Variants in ZCCHC7 observed in about 807,000 individuals in gnomAD.
ZCCHC7 encodes the protein zinc finger CCHC domain-containing protein 7.
Under a neutral mutation model 52.0 loss-of-function variants are expected in ZCCHC7, and 35 were observed. The observed-to-expected ratio is 0.67, with a 90% confidence interval of 0.51 to 0.89. The LOEUF (loss-of-function observed/expected upper bound fraction) is 0.89. Among genes scored for constraint, ZCCHC7 ranks in the 40% least tolerant of loss-of-function variants. The pLI is 0.00. For synonymous variants in ZCCHC7, 217 were observed against 221.5 expected, an observed-to-expected ratio of 0.98 and a Z score of 0.18; for missense variants, 574 against 649.1, an observed-to-expected ratio of 0.88 and a Z score of 1.26.
intron 2 of ZCCHC7, among the ~76,000 whole-genome samples, chr9:37,219,271 C>T (rs1408879677): frequency 2.0e-5 from 3 of 152,212 alleles, no homozygotes; most frequent in South Asian, 4.1e-4. Flanking sequence ...CACGCTCATT[C>T]ATGTACATAT....
At chr9:37,323,284 C>T (rs1235732921) in intron 5 of ZCCHC7, among the ~76,000 whole-genome samples, 4 of 152,162 alleles carry the variant, frequency 2.6e-5, no homozygotes, top group Admixed American at 2.0e-4. Context: ...TGAAATTAAC[C>T]TTGAAATGTA....
intron 3 of ZCCHC7, among the ~76,000 whole-genome samples, chr9:37,303,136 A>G (rs1829113204): frequency 6.6e-6 from 1 of 152,210 alleles, no homozygotes; most frequent in Non-Finnish European, 1.5e-5. Context: ...AGAAATCAGC[A>G]GTGGCTGGCC....
chr9:37,352,956 G>T (rs570620155), intron 7 of ZCCHC7, among the ~76,000 whole-genome samples: 2 of 152,170 alleles, frequency 1.3e-5, no homozygotes, highest in Admixed American at 1.3e-4. Context: ...GGATGGAAAT[G>T]ATAAAGATTA....
intron 2 of ZCCHC7, among the ~76,000 whole-genome samples, chr9:37,275,504 T>C (rs1367228894): frequency 3.3e-5 from 5 of 152,196 alleles, no homozygotes; most frequent in African/African-American, 1.2e-4. Flanking sequence ...AGTGAGCATT[T>C]TGGCTATTGT....
At chr9:37,337,032 G>A (rs906872529) in intron 6 of ZCCHC7, among the ~76,000 whole-genome samples, 2 of 152,132 alleles carry the variant, frequency 1.3e-5, no homozygotes, top group African/African-American at 2.4e-5. Context: ...TTCCTGAGAG[G>A]ATTATTTAAC....
intron 1 of ZCCHC7, among the ~76,000 whole-genome samples, chr9:37,123,769 C>T (rs891620494): frequency 6.6e-6 from 1 of 152,114 alleles, no homozygotes; most frequent in Admixed American, 6.5e-5. Context: ...AATTAATTTA[C>T]CTATTAAATA....
chr9:37,228,053 T>C (rs144098908), intron 2 of ZCCHC7, among the ~76,000 whole-genome samples: 42 of 152,298 alleles, frequency 2.8e-4, no homozygotes, highest in African/African-American at 1.0e-3. Flanking sequence ...TGCGTCGGAC[T>C]CTCAAAGTGC....
At position 37,133,012 on chromosome 9, in the gene ZCCHC7, C is replaced by CCAG. The variant is rs1284442380; in HGVS notation, c.610+6070_610+6071insCAG. 2.6e-5 allele frequency among the ~76,000 whole-genome samples: 4 copies of CCAG among 152,120 alleles called. No homozygotes were observed. In the East Asian group the frequency reaches 7.7e-4, roughly 29 times the overall value. On this transcript the variant is annotated intron_variant, in intron 2 of 8. Transcript: ENST00000336755. Reference sequence around the variant, plus strand: ...ATTAGCCCAGTGTGGTGGTGTGCACCTGTAATCCCAGCCTCAGAGGCTGAG... The same window carrying CCAG: ...ATTAGCCCAGTGTGGTGGTGTGCACCCAGTGTAATCCCAGCCTCAGAGGCTGAG...
rs1298636393 is a variant in ZCCHC7 at position 37,354,357 on chromosome 9, C to T, written c.1084-353C>T. 1.3e-5 allele frequency among the ~76,000 whole-genome samples: 2 copies of T among 152,074 alleles called. No homozygotes were observed. Among genetic ancestry groups the T allele is most frequent in the African/African-American group, 2.4e-5 (1 of 41,394 alleles). ...AAGGCTGTTGGAAGTGATGGACAAG[C>T]AAAGGAGTAATACTAACATGAGGCC... On this transcript the variant is annotated intron_variant, in intron 7 of 8. Coordinates refer to ENST00000336755, the MANE Select transcript of ZCCHC7 (RefSeq NM_032226.3). This position sits in a 1 kb window ranked among gnomAD's most constrained non-coding sequence, Gnocchi z 4.0.
At chr9:37,206,012 GACA>G (rs1052073740) in intron 2 of ZCCHC7, among the ~76,000 whole-genome samples, 23 of 151,630 alleles carry the variant, frequency 1.5e-4, no homozygotes, top group Admixed American at 2.0e-4. Context: ...CTTTATTCCT[GACA>G]ACGTCATTTG....
intron 6 of ZCCHC7, among the ~76,000 whole-genome samples, chr9:37,345,269 A>G (rs905710376): frequency 6.6e-6 from 1 of 152,164 alleles, no homozygotes; most frequent in African/African-American, 2.4e-5. Flanking sequence ...CTCTTAAGCC[A>G]TGTATGCTTG....
chr9:37,252,843 A>G (rs768997692), intron 2 of ZCCHC7, among the ~76,000 whole-genome samples: 31 of 152,266 alleles, frequency 2.0e-4, no homozygotes, highest in Non-Finnish European at 2.4e-4. Context: ...CAATGTTATT[A>G]TTTTGTGTTA....
intron 5 of ZCCHC7, among the ~76,000 whole-genome samples, chr9:37,309,578 T>G (rs143509075): frequency 6.6e-6 from 1 of 152,324 alleles, no homozygotes; most frequent in Non-Finnish European, 1.5e-5. Flanking sequence ...CCTACTGGAC[T>G]TTCTGCTCAT....
intron 1 of ZCCHC7, among the ~76,000 whole-genome samples, chr9:37,123,190 GGT>G (rs58690804): frequency 0.061 from 9,047 of 148,694 alleles, 322 homozygotes; most frequent in African/African-American, 0.1. Context: ...CTGAGTCAAG[GGT>G]GTGTGTGTGT....
At chr9:37,308,916 G>T (rs982158835) in intron 5 of ZCCHC7, among the ~76,000 whole-genome samples, 1 of 151,462 alleles carries the variant, frequency 6.6e-6, no homozygotes, top group African/African-American at 2.4e-5. Flanking sequence ...GGGAGGCAGA[G>T]GTTGCAGTGA....
At chr9:37,295,988 CAAGT>C (rs1828766669) in intron 2 of ZCCHC7, among the ~76,000 whole-genome samples, 1 of 152,144 alleles carries the variant, frequency 6.6e-6, no homozygotes, top group Admixed American at 6.5e-5. Context: ...TCCTAGAGGT[CAAGT>C]GAGAAAACTG....
At position 37,131,488 on chromosome 9, in the gene ZCCHC7, A is replaced by G. The variant is rs371991285; in HGVS notation, c.610+4546A>G. Reference sequence around the variant, plus strand: ...TGGTGAAACCCCGTCTCTACTAAAAATGCAAAATTAGCCGGGCATTCTGGC... The same window carrying G: ...TGGTGAAACCCCGTCTCTACTAAAAGTGCAAAATTAGCCGGGCATTCTGGC... On this transcript the variant is annotated intron_variant, in intron 2 of 8. Coordinates refer to ENST00000336755, the MANE Select transcript of ZCCHC7 (RefSeq NM_032226.3). Among the ~76,000 whole-genome samples, 12 of 152,102 alleles carry G rather than the reference A, an allele frequency of 7.9e-5. No homozygotes were observed. In the East Asian group the frequency reaches 1.2e-3, roughly 15 times the overall value.
chr9:37,353,291 T>C (rs1821503641), intron 7 of ZCCHC7, among the ~76,000 whole-genome samples: 1 of 152,198 alleles, frequency 6.6e-6, no homozygotes, highest in Admixed American at 6.5e-5. Context: ...GCACTGTGGC[T>C]CATGCCTGTC....
At chr9:37,223,740 T>C (rs1330372886) in intron 2 of ZCCHC7, among the ~76,000 whole-genome samples, 1 of 152,126 alleles carries the variant, frequency 6.6e-6, no homozygotes, top group Non-Finnish European at 1.5e-5. Context: ...ATAGAGTGTA[T>C]GTAAGGTCTT....
Sources: gnomAD v4.1 joint callset for allele counts (sites outside exome capture counted in the v4.1 genomes callset) on GRCh38, gnomAD v4.1.1 for gene constraint, Gnocchi (gnomAD v3.1) non-coding constraint, MANE v1.5 for transcripts, NCBI Gene and HGNC (gene_info 2026-07-23, HGNC 2026-07-21) for gene names.